Variants in VCF2 observed in about 807,000 individuals in gnomAD.
The protein encoded by VCF2 is VCP nuclear cofactor family member 2, also known as protein VCF2.
chrX:55,157,996 T>C, the VCF2 span, among the ~76,000 whole-genome samples: 1 of 112,516 alleles, frequency 8.9e-6, no homozygotes, highest in Admixed American at 9.4e-5. Context: ...GTAAGATGTA[T>C]GGTTGAAAGA....
chrX:55,160,892 AG>A, the VCF2 span: 1 of 1,156,068 alleles, frequency 8.7e-7, no homozygotes, highest in Non-Finnish European at 1.1e-6. Flanking sequence ...GTTCTTTCGG[AG>A]AAGGCTTCGC....
the VCF2 span, chrX:55,160,813 A>T: frequency 8.7e-7 from 1 of 1,151,905 alleles, no homozygotes; most frequent in Admixed American, 2.6e-5. Context: ...AGTTTTCGCG[A>T]GGGACCACAT....
the VCF2 span, among the ~76,000 whole-genome samples, chrX:55,156,984 C>T: frequency 4.5e-5 from 5 of 112,236 alleles, no homozygotes; most frequent in African/African-American, 1.6e-4. Context: ...TTAAAATGTA[C>T]AAAATAGATT....
At chrX:55,158,652 C>G in the VCF2 span, among the ~76,000 whole-genome samples, 1 of 111,186 alleles carries the variant, frequency 9.0e-6, no homozygotes, top group Non-Finnish European at 1.9e-5. Flanking sequence ...ACATGTACCC[C>G]CAAAATATGT....
chrX:55,152,428 C>G, the VCF2 span, among the ~76,000 whole-genome samples: 1 of 111,602 alleles, frequency 9.0e-6, no homozygotes, highest in Non-Finnish European at 1.9e-5. Context: ...TACTTCACAA[C>G]CTGCTAAAAA....
chrX:55,147,643 T>G, the VCF2 span, among the ~76,000 whole-genome samples: 1 of 97,010 alleles, frequency 1.0e-5, no homozygotes, highest in African/African-American at 3.7e-5. Flanking sequence ...TGTTTTTTTT[T>G]TTTTTTTTTT....
At chrX:55,160,636 G>A in the VCF2 span, 2 of 456,967 alleles carry the variant, frequency 4.4e-6, no homozygotes, top group East Asian at 3.7e-5. Flanking sequence ...ATTCAGAGAC[G>A]TTTGTAATGA....
the VCF2 span, chrX:55,143,886 C>A: frequency 8.9e-7 from 1 of 1,127,835 alleles, no homozygotes; most frequent in South Asian, 1.9e-5. Context: ...CTGCAAAAGA[C>A]AGGACAGAGA....
chrX:55,143,738 T>C, the VCF2 span: 1 of 1,038,419 alleles, frequency 9.6e-7, no homozygotes, highest in Non-Finnish European at 1.3e-6. Flanking sequence ...CTTCTGATAT[T>C]CCTTGAAAAT....
the VCF2 span, among the ~76,000 whole-genome samples, chrX:55,150,482 G>A: frequency 4.5e-5 from 5 of 111,611 alleles, no homozygotes; most frequent in Non-Finnish European, 3.8e-5. Flanking sequence ...AGTATTTCTC[G>A]CTTGCCCACC....
the VCF2 span, among the ~76,000 whole-genome samples, chrX:55,151,304 G>T: frequency 8.9e-6 from 1 of 112,218 alleles, no homozygotes; most frequent in South Asian, 3.7e-4. Context: ...CCTTGAGAAA[G>T]CTGGCCTCAT....
the VCF2 span, chrX:55,146,259 C>T: frequency 8.3e-7 from 1 of 1,211,584 alleles, no homozygotes; most frequent in Non-Finnish European, 1.1e-6. Flanking sequence ...TCCACTTGCT[C>T]TCTCTGGGAT....
chrX:55,152,048 C>CGT, the VCF2 span, among the ~76,000 whole-genome samples: 18 of 106,276 alleles, frequency 1.7e-4, no homozygotes, highest in Admixed American at 1.6e-3. Flanking sequence ...CCCGCCACTA[C>CGT]GCCCGGCTAA....
At chrX:55,143,872 C>A in the VCF2 span, 8 of 1,180,772 alleles carry the variant, frequency 6.8e-6, no homozygotes, top group Admixed American at 4.4e-5. Flanking sequence ...CAGGTTTAGA[C>A]AATCTGCAAA....
At chrX:55,151,525 C>CAAAGCCAATTTA in the VCF2 span, among the ~76,000 whole-genome samples, 52,699 of 110,948 alleles carry the variant, frequency 0.47, 9,264 homozygotes, top group Non-Finnish European at 0.55. Flanking sequence ...AAAGTTCCAG[C>CAAAGCCAATTTA]AAAACAAAAG....
chrX:55,154,479 C>A, the VCF2 span, among the ~76,000 whole-genome samples: 1 of 112,154 alleles, frequency 8.9e-6, no homozygotes, highest in Non-Finnish European at 1.9e-5. Flanking sequence ...AGAGCCCTTG[C>A]AAATTCACAC....
At chrX:55,151,825 TCTTTC>T in the VCF2 span, among the ~76,000 whole-genome samples, 2 of 111,257 alleles carry the variant, frequency 1.8e-5, no homozygotes, top group Non-Finnish European at 3.8e-5. Context: ...TTTTTTTCTT[TCTTTC>T]CTTTCCTTTT....
the VCF2 span, chrX:55,145,645 AT>A: frequency 6.6e-6 from 5 of 756,882 alleles, no homozygotes; most frequent in Non-Finnish European, 7.8e-6. Flanking sequence ...TTGAGTGTGG[AT>A]TTTTTGTTTG....
At chrX:55,149,497 C>T in the VCF2 span, among the ~76,000 whole-genome samples, 1 of 111,207 alleles carries the variant, frequency 9.0e-6, no homozygotes, top group African/African-American at 3.3e-5. Flanking sequence ...TCATAAGGCA[C>T]AAGGCCAGAA....
Sources: allele counts gnomAD v4.1 joint callset (sites outside exome capture counted in the v4.1 genomes callset), GRCh38; gene constraint gnomAD v4.1.1; transcripts MANE v1.5; gene names NCBI Gene and HGNC (gene_info 2026-07-23, HGNC 2026-07-21).